The following FRMD4B variants were observed in gnomAD, a reference collection of about 807,000 sequenced individuals.
FRMD4B encodes FERM domain containing 4B, also known as FERM domain-containing protein 4B.
Under a neutral mutation model 141.5 loss-of-function variants are expected in FRMD4B, and 74 were observed. The ratio of observed to expected loss-of-function variants is 0.52; its 90% CI spans 0.43 to 0.63. FRMD4B has a LOEUF of 0.63. Among genes scored for constraint, FRMD4B ranks in the 30% least tolerant of loss-of-function variants. FRMD4B has a pLI of 0.00. For synonymous variants in FRMD4B, 506 were observed against 467.9 expected, an observed-to-expected ratio of 1.08 and a Z score of -1.05; for missense variants, 1,366 against 1,253.4, an observed-to-expected ratio of 1.09 and a Z score of -1.36.
In FRMD4B at chr3:69,275,185, CT is replaced by C. The variant is rs200355686; in HGVS notation, c.501+12566del. On this transcript the variant is annotated intron_variant, in intron 5 of 22. Coordinates refer to ENST00000398540, the MANE Select transcript of FRMD4B (RefSeq NM_015123.3). ...ATGTCAAAATAATACAATTTATGCT[CT>C]AATATTGAGATTATGGATCTTTTTG... 9.3e-3 allele frequency among the ~76,000 whole-genome samples: 1,412 copies of C among 152,226 alleles called. 33 individuals are homozygous for C. Among genetic ancestry groups the C allele is most frequent in the African/African-American group, 0.033 (1,361 of 41,532 alleles).
chr3:69,292,873 C>T (rs148453554), intron 4 of FRMD4B: 206 of 166,824 alleles, frequency 1.2e-3, no homozygotes, highest in East Asian at 2.6e-3. Flanking sequence ...TTACTGTGAG[C>T]GATTTCACTA....
intron 1 of FRMD4B, among the ~76,000 whole-genome samples, chr3:69,338,896 A>G (rs1702643021): frequency 6.6e-6 from 1 of 152,232 alleles, no homozygotes. Context: ...AATAGCTATA[A>G]ATAACTTAGT....
chr3:69,379,334 G>A (rs943861803), intron 1 of FRMD4B, among the ~76,000 whole-genome samples: 2 of 151,966 alleles, frequency 1.3e-5, no homozygotes, highest in South Asian at 2.1e-4. Flanking sequence ...GCTGAAATGC[G>A]GTGGCACAAT....
At chr3:69,469,676 C>A (rs1026988511) in intron 1 of FRMD4B, among the ~76,000 whole-genome samples, 2 of 152,118 alleles carry the variant, frequency 1.3e-5, no homozygotes, top group Non-Finnish European at 2.9e-5. Context: ...TATTATTAAT[C>A]ACAGTAATTC....
chr3:69,171,304 A>T lies in FRMD4B; in HGVS notation c.*557T>A, dbSNP rs1236880138. 1 of 152,404 alleles carries T rather than the reference A, an allele frequency of 6.6e-6. No homozygotes were observed. The highest frequency in any genetic ancestry group is 2.4e-5 in the African/African-American group (1 of 41,462). The allele number at this position is 152,404 out of a possible 1,614,324, so 9.4% of individuals were successfully genotyped here. On this transcript the variant is annotated 3_prime_UTR_variant, in exon 23 of 23. Coordinates refer to ENST00000398540, the MANE Select transcript of FRMD4B (RefSeq NM_015123.3). ...TCCTAAAAAACATTTACACTCATTC[A>T]GAACTTCATGAAAATCCAGCTTCAA...
intron 11 of FRMD4B, among the ~76,000 whole-genome samples, chr3:69,215,407 C>T (rs1291364325): frequency 6.7e-6 from 1 of 148,680 alleles, no homozygotes; most frequent in African/African-American, 2.5e-5. Context: ...ATGCTCGTGC[C>T]TCAGCCTCCC....
intron 7 of FRMD4B, among the ~76,000 whole-genome samples, chr3:69,245,988 C>T (rs2093423336): frequency 6.6e-6 from 1 of 151,994 alleles, no homozygotes; most frequent in South Asian, 2.1e-4. Context: ...CAGGCATGTG[C>T]CACCATGCCC....
intron 1 of FRMD4B, among the ~76,000 whole-genome samples, chr3:69,531,561 C>A (rs17006070): frequency 0.019 from 2,863 of 152,156 alleles, 100 homozygotes; most frequent in African/African-American, 0.065. Context: ...GTACATGGGG[C>A]GGAAAAAATG....
chr3:69,467,078 T>C (rs1210509519), intron 1 of FRMD4B, among the ~76,000 whole-genome samples: 2 of 152,184 alleles, frequency 1.3e-5, no homozygotes, highest in Non-Finnish European at 2.9e-5. Flanking sequence ...AGCCAGAACA[T>C]GCTTATTTGT....
chr3:69,313,540 G>A, intron 1 of FRMD4B, 23 bp from the exon 2 acceptor site: 1 of 1,496,606 alleles, frequency 6.7e-7, no homozygotes, highest in Non-Finnish European at 9.1e-7. Flanking sequence ...GACAGCAAGA[G>A]TGGTGTCAGG....
chr3:69,254,740 C>T (rs187286266), intron 5 of FRMD4B, among the ~76,000 whole-genome samples: 33 of 152,238 alleles, frequency 2.2e-4, no homozygotes, highest in African/African-American at 7.2e-4. Context: ...TAAATACTCC[C>T]ACCATGGCTG....
intron 1 of FRMD4B, among the ~76,000 whole-genome samples, chr3:69,450,090 T>C (rs1705471662): frequency 1.3e-5 from 2 of 152,342 alleles, no homozygotes; most frequent in South Asian, 2.1e-4. Context: ...AGGTCACTGA[T>C]TTCTCAAGGT....
intron 2 of FRMD4B, among the ~76,000 whole-genome samples, chr3:69,414,138 G>A (rs1197741346): frequency 6.6e-6 from 1 of 152,152 alleles, no homozygotes; most frequent in Non-Finnish European, 1.5e-5. Flanking sequence ...TAGGGAGAGA[G>A]TGCTTCTAGA....
intron 1 of FRMD4B, among the ~76,000 whole-genome samples, chr3:69,491,354 CGGAA>C (rs1559543977): frequency 6.6e-6 from 1 of 150,614 alleles, no homozygotes. Flanking sequence ...CATTGAAAGA[CGGAA>C]GGAAGGAAGA....
intron 1 of FRMD4B, chr3:69,471,585 T>C (rs949969949): frequency 2.7e-5 from 6 of 221,996 alleles, no homozygotes; most frequent in Non-Finnish European, 5.7e-5. Flanking sequence ...ATTGTTCATA[T>C]GCCCATTTAA....
In FRMD4B at chr3:69,526,639, A is replaced by G. The variant is rs560006607; in HGVS notation, c.-129+15567T>C. On this transcript the variant is annotated intron_variant, in intron 1 of 5. Transcript: ENST00000459638. ...CTCCGGTGCCTCCATTTTCTGGTCTATTAAATGAGGCCAATTATACCTACC... is the reference window on the plus strand; with the variant it reads ...CTCCGGTGCCTCCATTTTCTGGTCTGTTAAATGAGGCCAATTATACCTACC... Among the ~76,000 whole-genome samples, 8 of 152,260 alleles carry G rather than the reference A, an allele frequency of 5.3e-5. No individual in the cohort carries two copies. The East Asian group carries it at 1.5e-3, about 29-fold the overall frequency.
chr3:69,399,259 C>T (rs1400802153), intron 2 of FRMD4B, among the ~76,000 whole-genome samples: 1 of 152,256 alleles, frequency 6.6e-6, no homozygotes, highest in East Asian at 1.9e-4. Flanking sequence ...TGTTTGTGGT[C>T]CAGTTTCTAC....
At chr3:69,173,939 C>A (rs917832328) in intron 22 of FRMD4B, among the ~76,000 whole-genome samples, 8 of 152,054 alleles carry the variant, frequency 5.3e-5, no homozygotes, top group African/African-American at 1.9e-4. Flanking sequence ...GAGTTCAAGA[C>A]CAGCCTGGCC....
chr3:69,527,123 C>T (rs1461730262), intron 1 of FRMD4B, among the ~76,000 whole-genome samples: 1 of 152,184 alleles, frequency 6.6e-6, no homozygotes, highest in Non-Finnish European at 1.5e-5. Context: ...CTCCCCCATT[C>T]AGCTGTGACA....
Sources: gnomAD v4.1 joint callset for allele counts (sites outside exome capture counted in the v4.1 genomes callset) on GRCh38, gnomAD v4.1.1 for gene constraint, MANE v1.5 for transcripts, NCBI Gene and HGNC (gene_info 2026-07-23, HGNC 2026-07-21) for gene names.